The following NUP85 variants were observed in gnomAD, a reference collection of about 807,000 sequenced individuals.
The protein encoded by NUP85 is nuclear pore complex protein Nup85.
Under a neutral mutation model 92.8 loss-of-function variants are expected in NUP85, and 23 were observed. The ratio of observed to expected loss-of-function variants is 0.25; its 90% confidence interval spans 0.18 to 0.35. The LOEUF is 0.35. NUP85 is among the 10% of genes least tolerant of loss of function. NUP85 has a pLI of 1.00. For synonymous variants in NUP85, 314 were observed against 306.9 expected (o/e 1.02, Z -0.24); for missense variants, 759 against 822.8 (o/e 0.92, Z 0.95).
rs753410107 is a variant in NUP85 at position 75,231,443 on chromosome 17, C to T, written c.1178+20C>T. Reference sequence around the variant, plus strand: ...CCTCTAGTAAGTGGCCGGGAGGCACCGATCCTCCTCTTCTTACCACCAGGC... The same window carrying T: ...CCTCTAGTAAGTGGCCGGGAGGCACTGATCCTCCTCTTCTTACCACCAGGC... On this transcript the variant is annotated intron_variant, in intron 12 of 18. Coordinates refer to ENST00000245544, the MANE Select transcript of NUP85 (RefSeq NM_024844.5). This position sits in a 1 kb window ranked among gnomAD's most constrained non-coding sequence, Gnocchi z 4.6. The T allele has an allele frequency of 5.0e-6, 8 of 1,613,190 alleles. No homozygotes were observed. The highest frequency in any genetic ancestry group is 1.3e-5 in the African/African-American group (1 of 74,902).
intron 3 of NUP85, among the ~76,000 whole-genome samples, chr17:75,210,501 G>GAAA (rs2075223811): frequency 1.3e-5 from 2 of 152,170 alleles, no homozygotes; most frequent in Non-Finnish European, 2.9e-5. Flanking sequence ...CAAAATCTCC[G>GAAA]TGGTTGGATC....
intron 7 of NUP85, 90 bp from the exon 8 acceptor site, chr17:75,225,013 G>A: frequency 7.2e-7 from 1 of 1,397,050 alleles, no homozygotes; most frequent in Admixed American, 2.5e-5. Context: ...GAGTTAAAAA[G>A]CCAAAGTGTG....
Position 75,232,696 on chromosome 17 carries a change from C to T in NUP85, c.1397-155C>T, listed in dbSNP as rs538068885. Among the ~76,000 whole-genome samples, 439 of 152,256 alleles carry T rather than the reference C, an allele frequency of 2.9e-3. 2 individuals are homozygous for T. Among genetic ancestry groups the T allele is most frequent in the Non-Finnish European group, 4.2e-3 (287 of 68,028 alleles). On this transcript the variant is annotated intron_variant, in intron 14 of 18. Coordinates refer to ENST00000245544, the MANE Select transcript of NUP85 (RefSeq NM_024844.5). ...CAGATCCCAGACACTGTTAATCAGC[C>T]GAGTTTCCAGCTCTGCCGATCCAGC...
rs560734931 is a variant in NUP85 at position 75,235,748 on chromosome 17, T to A, written c.*69T>A. 1.5e-5 allele frequency: 18 copies of A among 1,240,732 alleles called. No individual in the cohort carries two copies. The African/African-American group carries it at 2.7e-4, about 19-fold the overall frequency. The allele number at this position is 1,240,732 out of a possible 1,614,324, so 76.9% of individuals were successfully genotyped here. On this transcript the variant is annotated 3_prime_UTR_variant, in exon 19 of 19. Coordinates refer to ENST00000245544, the MANE Select transcript of NUP85 (RefSeq NM_024844.5). ...TTTTTTTAAAAGAATAAATGTTGTT[T>A]TGCAAATGTAGGTTCTTAGAGTCCA...
rs770430445 is a variant in NUP85 at position 75,231,809 on chromosome 17, C to T, written c.1245-19C>T. On this transcript the variant is annotated intron_variant, in intron 13 of 18. Transcript: ENST00000245544. This position sits in a 1 kb window ranked among gnomAD's most constrained non-coding sequence, Gnocchi z 4.6. The stretch of plus-strand genomic sequence containing the variant: ...CCATGAGGCAGCACCTCATGTCTGT[C>T]CTCCTCGAACCTTTGCAGCCTGTGG... 4 of 1,613,364 alleles carry T rather than the reference C, an allele frequency of 2.5e-6. No individual in the cohort carries two copies. Among genetic ancestry groups the T allele is most frequent in the South Asian group, 1.1e-5 (1 of 90,982 alleles).
chr17:75,216,554 C>T (rs940673096), intron 6 of NUP85, among the ~76,000 whole-genome samples: 1 of 152,120 alleles, frequency 6.6e-6, no homozygotes, highest in Non-Finnish European at 1.5e-5. Flanking sequence ...TGTGAGCCAC[C>T]GTGCCCAGCC....
In NUP85 at chr17:75,225,372, G is replaced by C. The variant is rs2075751206; in HGVS notation, c.763G>C (p.Glu255Gln). The C allele has an allele frequency of 6.2e-7, 1 of 1,614,236 alleles. No homozygotes were observed. The highest frequency in any genetic ancestry group is 1.3e-5 in the African/African-American group (1 of 75,056). ...GAACACCCAGACACTGACAGAGCTG[G>C]AGCTGAAGTGGCAGCACTGGCACGA... ...PGNTQTLTEL[E>Q]LKWQHWHEEC... Residue 255 changes from glutamate (E) to glutamine (Q), a missense_variant, in exon 9 of 19, where the codon GAG (glutamate) becomes CAG (glutamine). Physicochemically the swap from Glu to Gln is conservative, Grantham distance 29. Coordinates refer to ENST00000245544, the MANE Select transcript of NUP85 (RefSeq NM_024844.5).
intron 1 of NUP85, among the ~76,000 whole-genome samples, chr17:75,206,082 G>A (rs1165435525): frequency 6.6e-6 from 1 of 151,858 alleles, no homozygotes; most frequent in Admixed American, 6.6e-5. Flanking sequence ...TTTTCCTCTT[G>A]GGCATTAGAG....
rs1344289324 is a variant in NUP85 at position 75,228,299 on chromosome 17, CG to C, written c.1094+2144del. 5.2e-5 allele frequency: 51 copies of C among 985,254 alleles called. No homozygotes were observed. In the Admixed American group the frequency reaches 6.2e-4, roughly 12 times the overall value. The allele number at this position is 985,254 out of a possible 1,614,324, so 61.0% of individuals were successfully genotyped here. A position where few individuals can be genotyped will look rare whatever the true frequency, so the allele number is the denominator to read the frequency against. On this transcript the variant is annotated intron_variant, in intron 11 of 18. Transcript: ENST00000245544. ...GGGGTGAACAACATCACTCTCGTGC[CG>C]GACACAGACAAGGAATGATTAGGCT...
chr17:75,221,149 G>T (rs956196694), intron 7 of NUP85, among the ~76,000 whole-genome samples: 5 of 151,964 alleles, frequency 3.3e-5, no homozygotes, highest in Admixed American at 6.6e-5. Context: ...CAAAGTGGTG[G>T]GTTTACAGGC....
intron 1 of NUP85, among the ~76,000 whole-genome samples, chr17:75,206,566 A>T (rs2075087585): frequency 6.6e-6 from 1 of 152,158 alleles, no homozygotes; most frequent in South Asian, 2.1e-4. Context: ...TTAGGCAGTG[A>T]GGAGGCAAAT....
chr17:75,229,204 G>C (rs552417502), intron 11 of NUP85: 10 of 978,510 alleles, frequency 1.0e-5, no homozygotes, highest in Non-Finnish European at 1.2e-5. Context: ...CTTCTGACTT[G>C]TATTTTGGCC....
Position 75,235,125 on chromosome 17 carries a change from A to C in NUP85, c.1793A>C (p.Tyr598Ser). The change falls in exon 18 of 19, where the codon TAT (tyrosine) becomes TCT (serine). Residue 598 changes from tyrosine (Y) to serine (S), a missense_variant. By Grantham distance (144) the Tyr-to-Ser change is moderately radical. Transcript: ENST00000245544. ...GTGATTTTCTCAGCAGAACAGACTT[A>C]TGAGTTGATGCGGTGTCTGGAGGAC... ...KQVIFSAEQTYELMRCLEDLT... is the reference protein window; with the variant it reads ...KQVIFSAEQTSELMRCLEDLT... 1 of 1,614,158 alleles carries C rather than the reference A, an allele frequency of 6.2e-7. No individual in the cohort carries two copies. The highest frequency in any genetic ancestry group is 8.5e-7 in the Non-Finnish European group (1 of 1,179,988).
rs1156762279 is a variant in NUP85 at position 75,229,336 on chromosome 17, G to A, written c.1095-2004G>A. On this transcript the variant is annotated intron_variant, in intron 11 of 18. Transcript: ENST00000245544. ...CAGAGCCCCCAACAAGCAAGATGGGGCCTGGGTAAGGAGTTGACAGTGACC... is the reference window on the plus strand; with the variant it reads ...CAGAGCCCCCAACAAGCAAGATGGGACCTGGGTAAGGAGTTGACAGTGACC... 2.0e-5 allele frequency among the ~76,000 whole-genome samples: 3 copies of A among 152,136 alleles called. No individual in the cohort carries two copies. The East Asian group carries it at 5.8e-4, about 29-fold the overall frequency.
intron 11 of NUP85, chr17:75,226,730 CTG>C (rs2075811436): frequency 2.2e-6 from 1 of 450,426 alleles, no homozygotes; most frequent in African/African-American, 2.0e-5. Context: ...ATATACATAA[CTG>C]TTTCCATTTC....
At chr17:75,234,119 T>C (rs1289960392) in intron 16 of NUP85, among the ~76,000 whole-genome samples, 2 of 151,220 alleles carry the variant, frequency 1.3e-5, no homozygotes, top group East Asian at 3.9e-4. Flanking sequence ...TGGTACAATC[T>C]TGGCTCACTG....
At chr17:75,230,480 C>T (rs1297277515) in intron 11 of NUP85, among the ~76,000 whole-genome samples, 2 of 151,992 alleles carry the variant, frequency 1.3e-5, no homozygotes, top group African/African-American at 4.8e-5. Context: ...CTGCCTCAGC[C>T]TCCAGAGTAG....
intron 11 of NUP85, among the ~76,000 whole-genome samples, chr17:75,227,530 TTTCACCA>T (rs1301448809): frequency 6.6e-6 from 1 of 152,020 alleles, no homozygotes; most frequent in Non-Finnish European, 1.5e-5. Flanking sequence ...AGAGACAGGG[TTTCACCA>T]TGTTGCCTAG....
Position 75,209,845 on chromosome 17 carries a change from T to A in NUP85, c.150T>A (p.Ser50Arg). Residue 50 changes from serine (S) to arginine (R), a missense_variant, in exon 3 of 19, where the codon AGT becomes AGA. Transcript: ENST00000245544. ...NKKEKSEMVP[S>R]CPFIYIIRKD... ...CAGAAAAATCAGAGATGGTGCCAAGTTGCCCCTTTATCTATATCATCCGTA... is the reference window on the plus strand; with the variant it reads ...CAGAAAAATCAGAGATGGTGCCAAGATGCCCCTTTATCTATATCATCCGTA... 6.3e-7 allele frequency: 1 copy of A among 1,579,424 alleles called. No individual in the cohort carries two copies. Among genetic ancestry groups the A allele is most frequent in the Non-Finnish European group, 8.5e-7 (1 of 1,170,292 alleles).
Sources: allele counts gnomAD v4.1 joint callset (sites outside exome capture counted in the v4.1 genomes callset), GRCh38; gene constraint gnomAD v4.1.1; non-coding constraint Gnocchi (gnomAD v3.1); transcripts MANE v1.5; gene names NCBI Gene and HGNC (gene_info 2026-07-23, HGNC 2026-07-21).